IMPA2: variants seen among roughly 807,000 people sequenced by gnomAD.
IMPA2 encodes the protein inositol monophosphatase 2.
A neutral mutation model predicts 35.1 loss-of-function variants in IMPA2; 32 were observed. That is an observed-to-expected ratio of 0.91 (90% CI 0.69 to 1.23). The LOEUF (loss-of-function observed/expected upper bound fraction) is 1.23. IMPA2 is among the 50% of genes most tolerant of loss of function. The probability of loss-of-function intolerance (pLI) is 0.00; values close to 1 mark genes in which losing one functional copy is unlikely to be tolerated. For synonymous variants in IMPA2, 135 were observed against 160.6 expected (o/e 0.84, Z 1.20); for missense variants, 334 against 387.6 (o/e 0.86, Z 1.16).
In IMPA2 at chr18:11,981,751, C is replaced by G. The variant is rs1006189641; in HGVS notation, c.82C>G (p.Leu28Val). The G allele has an allele frequency of 1.6e-6, 2 of 1,228,832 alleles. No homozygotes were observed. Among genetic ancestry groups the G allele is most frequent in the Non-Finnish European group, 2.0e-6 (2 of 985,944 alleles). 76.1% of individuals were successfully genotyped at this position (1,228,832 alleles called of 1,614,324 possible). A position where few individuals can be genotyped will look rare whatever the true frequency, so the allele number is the denominator to read the frequency against. ...ECFQAAVQLALRAGQIIRKAL... is the reference protein window; with the variant it reads ...ECFQAAVQLAVRAGQIIRKAL... The stretch of plus-strand genomic sequence containing the variant: ...CTTCCAGGCGGCCGTGCAGCTGGCG[C>G]TGCGGGCAGGACAGGTGAGCGCCAC... The change falls in exon 1 of 8, where the codon CTG (leucine) becomes GTG (valine). Residue 28 changes from leucine (L) to valine (V), a missense_variant. Physicochemically the swap from Leu to Val is conservative, Grantham distance 32. Transcript: ENST00000269159.
chr18:12,014,330 C>A lies in IMPA2; in HGVS notation c.447C>A (p.Gly149=). ...ERLYTGRRGR[G]AFCNGQRLRV... The stretch of plus-strand genomic sequence containing the variant: ...TGTACACGGGCCGGCGGGGTCGGGG[C>A]GCCTTCTGCAATGGCCAGCGGCTCC... Residue 149 remains glycine, a synonymous_variant, in exon 5 of 8, where the codon GGC becomes GGA. Transcript: ENST00000269159. The A allele has an allele frequency of 1.2e-6, 2 of 1,608,862 alleles. No individual in the cohort carries two copies. Among genetic ancestry groups the A allele is most frequent in the Non-Finnish European group, 1.7e-6 (2 of 1,177,670 alleles).
At chr18:12,029,027 A>G (rs1227345180) in intron 7 of IMPA2, 34 bp downstream of exon 7, 1 of 1,602,660 alleles carries the variant, frequency 6.2e-7, no homozygotes, top group South Asian at 1.1e-5. Context: ...GCAGCGGCAG[A>G]AACTAGACTG....
chr18:11,992,583 TTCA>T (rs1381677569), intron 1 of IMPA2, among the ~76,000 whole-genome samples: 55 of 152,050 alleles, frequency 3.6e-4, no homozygotes, highest in Admixed American at 3.6e-3. Flanking sequence ...CTTCAGTGAC[TTCA>T]GGCCCATATT....
intron 4 of IMPA2, 82 bp downstream of exon 4, chr18:12,012,297 G>A (rs753269169): frequency 4.5e-5 from 54 of 1,190,710 alleles, no homozygotes; most frequent in Middle Eastern, 3.8e-4. Flanking sequence ...GCCTCTGTGC[G>A]CCTGGTTTGC....
chr18:12,008,321 T>TAC, intron 2 of IMPA2: 1 of 518,594 alleles, frequency 1.9e-6, no homozygotes, highest in East Asian at 5.4e-5. Flanking sequence ...TTCTTTTTCT[T>TAC]ACTCTCTGCA....
At chr18:11,999,857 T>C (rs1044235670) in intron 2 of IMPA2, among the ~76,000 whole-genome samples, 2 of 152,242 alleles carry the variant, frequency 1.3e-5, no homozygotes, top group African/African-American at 4.8e-5. Context: ...GCATAGCATT[T>C]TAAGGGAGCC....
chr18:12,014,052 T>C (rs755857104), intron 4 of IMPA2, among the ~76,000 whole-genome samples: 88 of 152,210 alleles, frequency 5.8e-4, no homozygotes, highest in African/African-American at 2.0e-3. Context: ...AAATTGTACT[T>C]ATTTAGCAAA....
intron 5 of IMPA2, among the ~76,000 whole-genome samples, chr18:12,019,467 C>T (rs1344145346): frequency 1.3e-5 from 2 of 148,416 alleles, no homozygotes; most frequent in African/African-American, 2.5e-5. Context: ...CAGGTTTCAC[C>T]GTGTTGGCCA....
intron 5 of IMPA2, 120 bp from the exon 6 acceptor site, chr18:12,027,923 A>G: frequency 3.0e-6 from 2 of 660,454 alleles, no homozygotes; most frequent in Non-Finnish European, 2.7e-6. Context: ...AGCATTCAGC[A>G]TGAACCAGTC....
At chr18:12,013,382 G>T (rs1261080883) in intron 4 of IMPA2, among the ~76,000 whole-genome samples, 1 of 152,186 alleles carries the variant, frequency 6.6e-6, no homozygotes, top group Non-Finnish European at 1.5e-5. Context: ...GACACCTGCA[G>T]GCTCTGAAAA....
intron 1 of IMPA2, among the ~76,000 whole-genome samples, chr18:11,990,996 G>C (rs905330222): frequency 3.3e-5 from 5 of 152,242 alleles, no homozygotes; most frequent in African/African-American, 1.2e-4. Context: ...CGCTCTGTAA[G>C]CTTGAGCTCA....
chr18:12,005,933 CA>C (rs1419798106), intron 2 of IMPA2, among the ~76,000 whole-genome samples: 1 of 152,192 alleles, frequency 6.6e-6, no homozygotes, highest in Admixed American at 6.5e-5. Flanking sequence ...GTGCCTGAGT[CA>C]TTTCTAGTCC....
intron 2 of IMPA2, among the ~76,000 whole-genome samples, chr18:12,001,247 CCT>C (rs1382147578): frequency 6.6e-6 from 1 of 151,998 alleles, no homozygotes. Context: ...AATAAATAAA[CCT>C]AATTTTAATC....
intron 2 of IMPA2, 68 bp from the exon 3 acceptor site, chr18:12,009,815 G>C (rs999411135): frequency 8.3e-7 from 1 of 1,212,098 alleles, no homozygotes; most frequent in Admixed American, 1.7e-5. Flanking sequence ...AATGGGACTG[G>C]AAGCAATTTC....
At position 12,010,116 on chromosome 18, in the gene IMPA2, C is replaced by T. The variant is rs1907393727; in HGVS notation, c.335+129C>T. On this transcript the variant is annotated intron_variant, in intron 3 of 7. Coordinates refer to ENST00000269159, the MANE Select transcript of IMPA2 (RefSeq NM_014214.3). The surrounding 1 kb of genome is among the most constrained non-coding windows in gnomAD (Gnocchi z 4.8). The stretch of plus-strand genomic sequence containing the variant: ...CAAACCTATAGTACACTCATAGTCT[C>T]ATCAGAAAGATGATCAGATCTTGAT... 1.7e-6 allele frequency: 1 copy of T among 578,812 alleles called. No homozygotes were observed. Among genetic ancestry groups the T allele is most frequent in the South Asian group, 2.3e-5 (1 of 43,884 alleles). The allele number at this position is 578,812 out of a possible 1,614,324, so 35.9% of individuals were successfully genotyped here.
At chr18:12,003,349 C>A (rs946893453) in intron 2 of IMPA2, among the ~76,000 whole-genome samples, 9 of 151,826 alleles carry the variant, frequency 5.9e-5, no homozygotes, top group Admixed American at 2.6e-4. Context: ...CGTAACATGA[C>A]AAAAAGCAAA....
intron 1 of IMPA2, among the ~76,000 whole-genome samples, chr18:11,981,967 G>T (rs1282762359): frequency 1.3e-5 from 2 of 152,082 alleles, no homozygotes; most frequent in Non-Finnish European, 2.9e-5. Flanking sequence ...AACTCCCGGA[G>T]CCCTGGCGGC....
chr18:12,020,822 T>G (rs1289196210), intron 5 of IMPA2, among the ~76,000 whole-genome samples: 3 of 152,234 alleles, frequency 2.0e-5, no homozygotes, highest in Non-Finnish European at 4.4e-5. Flanking sequence ...TCTTTTTTCC[T>G]GATATTCTTT....
rs188913439 is a variant in IMPA2 at position 12,009,812 on chromosome 18, C to G, written c.231-71C>G. On this transcript the variant is annotated intron_variant, in intron 2 of 7. Transcript: ENST00000269159. The stretch of plus-strand genomic sequence containing the variant: ...TGTGCCACCTTTTTCTTTAATGGGA[C>G]TGGAAGCAATTTCAGGCACGTTATT... The G allele has an allele frequency of 1.8e-5, 21 of 1,166,760 alleles. No homozygotes were observed. In the African/African-American group the frequency reaches 3.2e-4, roughly 18 times the overall value. 72.3% of individuals were successfully genotyped at this position (1,166,760 alleles called of 1,614,324 possible).
Sources: allele counts gnomAD v4.1 joint callset (sites outside exome capture counted in the v4.1 genomes callset), GRCh38; gene constraint gnomAD v4.1.1; non-coding constraint Gnocchi (gnomAD v3.1); transcripts MANE v1.5; gene names NCBI Gene and HGNC (gene_info 2026-07-23, HGNC 2026-07-21).